The following FGF13 variants were observed in gnomAD, a reference collection of about 807,000 sequenced individuals.
FGF13 encodes the protein fibroblast growth factor 13, also known as fibroblast growth factor homologous factor 2.
FGF13 carries 2 observed loss-of-function variants against 19.5 expected under a neutral mutation model. The ratio of observed to expected loss-of-function variants is 0.10; its 90% CI spans 0.04 to 0.32. The LOEUF (loss-of-function observed/expected upper bound fraction) is 0.32. Ranked by LOEUF, FGF13 falls within the 10% of genes least tolerant of loss-of-function variation. The probability of loss-of-function intolerance (pLI) is 1.00; values close to 1 mark genes in which losing one functional copy is unlikely to be tolerated. For synonymous variants in FGF13, 72 were observed against 76.9 expected (o/e 0.94, Z 0.33); for missense variants, 113 against 192.7 (o/e 0.59, Z 2.45).
At chrX:139,107,473 G>C (rs1035713100) in intron 1 of FGF13, among the ~76,000 whole-genome samples, 32 of 112,103 alleles carry the variant, frequency 2.9e-4, no homozygotes, top group African/African-American at 1.0e-3. Context: ...GCTGAAAAGA[G>C]AAGGATCAGG....
chrX:139,160,000 T>G (rs2084015774), intron 1 of FGF13, among the ~76,000 whole-genome samples: 1 of 111,655 alleles, frequency 9.0e-6, no homozygotes, highest in Admixed American at 9.5e-5. Flanking sequence ...CTAAGAGACA[T>G]CTACAGAACT....
chrX:138,909,459 A>T (rs1380285982), intron 1 of FGF13, among the ~76,000 whole-genome samples: 1 of 112,175 alleles, frequency 8.9e-6, no homozygotes, highest in African/African-American at 3.2e-5. Flanking sequence ...ATTTGGTTTT[A>T]TGGTCTCAGT....
chrX:139,019,199 C>T (rs1198687346), intron 1 of FGF13, among the ~76,000 whole-genome samples: 2 of 111,942 alleles, frequency 1.8e-5, no homozygotes, highest in East Asian at 2.8e-4. Flanking sequence ...AGGATATAAA[C>T]CAGGGTGTTC....
chrX:138,684,330 T>A lies in FGF13; in HGVS notation c.402+18654A>T, dbSNP rs187243675. The stretch of plus-strand genomic sequence containing the variant: ...TTTCTAATTCGGTGTGCCCATATTG[T>A]GAAACACACATAATTTGAACCTCCA... On this transcript the variant is annotated intron_variant, in intron 3 of 4. Coordinates refer to ENST00000315930, the MANE Select transcript of FGF13 (RefSeq NM_004114.5). Among the ~76,000 whole-genome samples, 26 of 111,699 alleles carry A rather than the reference T, an allele frequency of 2.3e-4. No homozygotes were observed. In the East Asian group the frequency reaches 4.8e-3, roughly 21 times the overall value.
At chrX:139,058,612 G>A (rs2092326827) in intron 1 of FGF13, among the ~76,000 whole-genome samples, 1 of 111,722 alleles carries the variant, frequency 9.0e-6, no homozygotes, top group Admixed American at 9.5e-5. Context: ...AATAGTATCT[G>A]TACACACTGA....
At chrX:138,758,141 G>C (rs1025755267) in intron 3 of FGF13, among the ~76,000 whole-genome samples, 1 of 111,442 alleles carries the variant, frequency 9.0e-6, no homozygotes, top group Non-Finnish European at 1.9e-5. Flanking sequence ...GGGGAAGCCA[G>C]AGTGATCCCT....
intron 1 of FGF13, among the ~76,000 whole-genome samples, chrX:139,000,535 A>C (rs1361474252): frequency 8.9e-6 from 1 of 111,812 alleles, no homozygotes; most frequent in Non-Finnish European, 1.9e-5. Flanking sequence ...ATTCCTATAC[A>C]CCAATAACAG....
intron 3 of FGF13, among the ~76,000 whole-genome samples, chrX:138,795,625 G>A (rs184060355): frequency 8.9e-6 from 1 of 111,849 alleles, no homozygotes; most frequent in Admixed American, 9.5e-5. Flanking sequence ...TGTAGGACTG[G>A]ACTGGCCCAT....
chrX:138,916,133 A>G (rs1314330559), intron 1 of FGF13, among the ~76,000 whole-genome samples: 2 of 112,034 alleles, frequency 1.8e-5, no homozygotes, highest in East Asian at 5.6e-4. Flanking sequence ...ACAGAGCAAC[A>G]TCTGTTCCAT....
intron 1 of FGF13, among the ~76,000 whole-genome samples, chrX:139,100,837 C>T (rs1295375424): frequency 9.0e-6 from 1 of 110,882 alleles, no homozygotes; most frequent in Non-Finnish European, 1.9e-5. Flanking sequence ...ACTAACCTTA[C>T]GTGGTCCCGT....
At chrX:138,900,172 C>T (rs1160212726) in intron 1 of FGF13, among the ~76,000 whole-genome samples, 1 of 111,415 alleles carries the variant, frequency 9.0e-6, no homozygotes, top group Admixed American at 9.5e-5. Context: ...GAGGCTCCCA[C>T]TGGACTCTCA....
At chrX:138,838,647 G>A (rs1283892684) in intron 3 of FGF13, among the ~76,000 whole-genome samples, 1 of 111,912 alleles carries the variant, frequency 8.9e-6, no homozygotes, top group African/African-American at 3.2e-5. Context: ...TCAGTTGAAG[G>A]TGCTGTGTTT....
chrX:139,178,786 G>A (rs182647900), intron 1 of FGF13, among the ~76,000 whole-genome samples: 166 of 112,087 alleles, frequency 1.5e-3, no homozygotes, highest in African/African-American at 4.8e-3. Context: ...ATTTTGGTGT[G>A]AGGTTTGTAA....
chrX:138,819,277 T>C (rs1212000545), intron 3 of FGF13, among the ~76,000 whole-genome samples: 2 of 111,061 alleles, frequency 1.8e-5, no homozygotes, highest in Non-Finnish European at 3.8e-5. Flanking sequence ...ATCAATTATA[T>C]AAACAAAATA....
chrX:138,842,792 C>T (rs1368187345), intron 3 of FGF13, among the ~76,000 whole-genome samples: 1 of 110,834 alleles, frequency 9.0e-6, no homozygotes, highest in Non-Finnish European at 1.9e-5. Context: ...CCCTTGACAA[C>T]AGAATTATCT....
intron 1 of FGF13, among the ~76,000 whole-genome samples, chrX:139,184,404 G>T (rs1421892487): frequency 9.0e-6 from 1 of 111,429 alleles, no homozygotes; most frequent in Non-Finnish European, 1.9e-5. Flanking sequence ...ACATGCAAAA[G>T]TTGGTAACCC....
intron 3 of FGF13, among the ~76,000 whole-genome samples, chrX:138,767,856 A>C (rs767731628): frequency 2.7e-5 from 3 of 112,522 alleles, no homozygotes; most frequent in Non-Finnish European, 5.6e-5. Context: ...TTGGAGAATT[A>C]GAAACCAGAG....
chrX:138,932,369 A>C (rs1489936771), intron 1 of FGF13, among the ~76,000 whole-genome samples: 3 of 111,540 alleles, frequency 2.7e-5, no homozygotes, highest in Non-Finnish European at 5.6e-5. Flanking sequence ...TCATGAGGTC[A>C]GGAGCTTAAG....
At chrX:138,981,018 T>C (rs1248814948) in intron 1 of FGF13, among the ~76,000 whole-genome samples, 1 of 111,349 alleles carries the variant, frequency 9.0e-6, no homozygotes, top group East Asian at 2.8e-4. Flanking sequence ...TACAAGCTCA[T>C]GGTTCAATAT....
Sources: allele counts gnomAD v4.1 joint callset (sites outside exome capture counted in the v4.1 genomes callset), GRCh38; gene constraint gnomAD v4.1.1; transcripts MANE v1.5; gene names NCBI Gene and HGNC (gene_info 2026-07-23, HGNC 2026-07-21).